SNX29: variants seen among roughly 807,000 people sequenced by gnomAD.
SNX29 encodes sorting nexin-29.
SNX29 carries 78 observed loss-of-function variants against 102.1 expected under a neutral mutation model. That is an observed-to-expected ratio of 0.76 (90% CI 0.64 to 0.92). The LOEUF (loss-of-function observed/expected upper bound fraction) is 0.92, where lower values mean the gene tolerates loss of function less well. SNX29 is among the 40% of genes least tolerant of loss of function. SNX29 has a pLI of 0.00. For synonymous variants in SNX29, 580 were observed against 414.5 expected (o/e 1.40, Z -4.85); for missense variants, 1,280 against 1,061.7 (o/e 1.21, Z -2.86).
intron 14 of SNX29, among the ~76,000 whole-genome samples, chr16:12,243,678 T>C (rs1331814191): frequency 6.6e-6 from 1 of 152,090 alleles, no homozygotes; most frequent in Non-Finnish European, 1.5e-5. Flanking sequence ...ATGATTGGGC[T>C]TCAGGTCCAT....
intron 13 of SNX29, among the ~76,000 whole-genome samples, chr16:12,168,159 G>A (rs188909496): frequency 7.4e-4 from 113 of 152,346 alleles, no homozygotes; most frequent in Non-Finnish European, 1.3e-3. Flanking sequence ...AAGGAAAAGT[G>A]TAGGCTGTCA....
intron 11 of SNX29, among the ~76,000 whole-genome samples, chr16:12,116,341 G>T (rs1026519321): frequency 6.6e-6 from 1 of 152,312 alleles, no homozygotes; most frequent in Admixed American, 6.5e-5. Context: ...TTAACAAATT[G>T]TGGCATATCC....
chr16:12,188,708 G>T (rs1468892750), intron 13 of SNX29, among the ~76,000 whole-genome samples: 1 of 152,122 alleles, frequency 6.6e-6, no homozygotes, highest in Non-Finnish European at 1.5e-5. Flanking sequence ...GATGGTTACG[G>T]GGGAGAGAGC....
chr16:12,459,069 T>C (rs952748606), intron 18 of SNX29, among the ~76,000 whole-genome samples: 2 of 44,976 alleles, frequency 4.4e-5, no homozygotes, highest in Non-Finnish European at 4.0e-5. Context: ...CCCCACCTCC[T>C]CCTCCCCGGT....
intron 19 of SNX29, among the ~76,000 whole-genome samples, chr16:12,487,638 A>T (rs975311847): frequency 1.3e-5 from 2 of 152,164 alleles, no homozygotes; most frequent in African/African-American, 4.8e-5. Flanking sequence ...CACCTACTAC[A>T]GGTTTCAGCC....
chr16:12,108,200 T>A (rs1442913436), intron 11 of SNX29, among the ~76,000 whole-genome samples: 1 of 152,208 alleles, frequency 6.6e-6, no homozygotes, highest in Non-Finnish European at 1.5e-5. Flanking sequence ...TGACTTTTAC[T>A]AGCCTTGTCT....
chr16:11,982,220 A>G (rs915096211), intron 1 of SNX29, among the ~76,000 whole-genome samples: 1 of 151,748 alleles, frequency 6.6e-6, no homozygotes, highest in African/African-American at 2.4e-5. Context: ...GGTGGTCACA[A>G]TTTGTTTATT....
chr16:12,532,831 G>A (rs776035387), intron 20 of SNX29, among the ~76,000 whole-genome samples: 14 of 152,198 alleles, frequency 9.2e-5, no homozygotes, highest in Non-Finnish European at 1.5e-4. Context: ...TCAGCCTAGC[G>A]AGGGGAGCCA....
At chr16:12,370,597 C>G (rs2082647328) in intron 16 of SNX29, among the ~76,000 whole-genome samples, 1 of 152,200 alleles carries the variant, frequency 6.6e-6, no homozygotes, top group Admixed American at 6.5e-5. Context: ...GCTTCCTTGT[C>G]TCTTGGGCCA....
intron 13 of SNX29, among the ~76,000 whole-genome samples, chr16:12,196,969 C>G (rs1366526079): frequency 6.6e-6 from 1 of 152,094 alleles, no homozygotes; most frequent in Non-Finnish European, 1.5e-5. Context: ...AAGATTTCTT[C>G]AAACTAGAAG....
intron 20 of SNX29, among the ~76,000 whole-genome samples, chr16:12,565,241 C>G (rs574291125): frequency 2.6e-5 from 4 of 152,316 alleles, no homozygotes; most frequent in East Asian, 3.9e-4. Context: ...TGTTCTCAAT[C>G]TATAAAGATG....
chr16:12,186,623 G>A (rs979474165), intron 13 of SNX29, among the ~76,000 whole-genome samples: 15 of 152,098 alleles, frequency 9.9e-5, no homozygotes, highest in African/African-American at 3.6e-4. Context: ...GACTGAGTTG[G>A]GATCCAGTCC....
At chr16:12,552,097 C>T (rs764807311) in intron 20 of SNX29, among the ~76,000 whole-genome samples, 9 of 152,220 alleles carry the variant, frequency 5.9e-5, no homozygotes, top group Non-Finnish European at 1.0e-4. Context: ...GTGCTATCCT[C>T]AGTGAGTGTA....
At chr16:12,151,489 T>C (rs1040704909) in intron 13 of SNX29, among the ~76,000 whole-genome samples, 2 of 152,156 alleles carry the variant, frequency 1.3e-5, no homozygotes, top group African/African-American at 2.4e-5. Context: ...TATCCACCCT[T>C]CTTTCCCTGG....
intron 20 of SNX29, among the ~76,000 whole-genome samples, chr16:12,551,316 T>A (rs1402527497): frequency 6.6e-6 from 1 of 152,194 alleles, no homozygotes; most frequent in African/African-American, 2.4e-5. Flanking sequence ...AAAAGCCACT[T>A]GTAACCTCAG....
At chr16:12,063,788 T>G (rs1402791880) in intron 9 of SNX29, among the ~76,000 whole-genome samples, 1 of 151,598 alleles carries the variant, frequency 6.6e-6, no homozygotes, top group Admixed American at 6.6e-5. Flanking sequence ...GGGTCTCAGT[T>G]GAGGTCCCCT....
chr16:12,313,928 G>A (rs1288164904), intron 15 of SNX29, among the ~76,000 whole-genome samples: 1 of 152,232 alleles, frequency 6.6e-6, no homozygotes, highest in African/African-American at 2.4e-5. Context: ...TAAGTGGAGG[G>A]CCTAGGACTC....
chr16:12,046,326 T>C, intron 5 of SNX29, 58 bp from the exon 6 acceptor site: 1 of 1,575,734 alleles, frequency 6.3e-7, no homozygotes, highest in Non-Finnish European at 8.7e-7. Flanking sequence ...AATTTCCTGG[T>C]TAATGGACAC....
chr16:12,332,698 T>C (rs2081329512), intron 15 of SNX29, among the ~76,000 whole-genome samples: 1 of 152,090 alleles, frequency 6.6e-6, no homozygotes, highest in Admixed American at 6.6e-5. Context: ...GCCACCAGGG[T>C]TGGGCACCTC....
Sources: allele counts gnomAD v4.1 joint callset (sites outside exome capture counted in the v4.1 genomes callset), GRCh38; gene constraint gnomAD v4.1.1; transcripts MANE v1.5; gene names NCBI Gene and HGNC (gene_info 2026-07-23, HGNC 2026-07-21).